RAPGEF1: variants seen among roughly 807,000 people sequenced by gnomAD.
The protein encoded by RAPGEF1 is Rap guanine nucleotide exchange factor 1.
A neutral mutation model predicts 143.3 loss-of-function variants in RAPGEF1; 33 were observed. The ratio of observed to expected loss-of-function variants is 0.23; its 90% CI spans 0.17 to 0.31. The LOEUF (loss-of-function observed/expected upper bound fraction) is 0.31, where lower values mean the gene tolerates loss of function less well. Among genes scored for constraint, RAPGEF1 ranks in the 10% least tolerant of loss-of-function variants. The pLI is 1.00. For missense variants in RAPGEF1, 1,199 were observed against 1,645.4 expected, an observed-to-expected ratio of 0.73 and a Z score of 4.69; for synonymous variants, 629 against 676.5, an observed-to-expected ratio of 0.93 and a Z score of 1.09.
chr9:131,658,150 G>A (rs137964508), intron 1 of RAPGEF1, among the ~76,000 whole-genome samples: 8 of 152,316 alleles, frequency 5.3e-5, no homozygotes, highest in African/African-American at 1.7e-4. Flanking sequence ...GAGCAGAACG[G>A]CTGGATTGTA....
chr9:131,723,116 C>T (rs1188568503), intron 1 of RAPGEF1, among the ~76,000 whole-genome samples: 5 of 152,176 alleles, frequency 3.3e-5, no homozygotes, highest in African/African-American at 9.7e-5. Context: ...ATCACTTGAA[C>T]CCAGCAGACG....
At chr9:131,670,418 C>G (rs1262842658) in intron 1 of RAPGEF1, among the ~76,000 whole-genome samples, 1 of 152,178 alleles carries the variant, frequency 6.6e-6, no homozygotes, top group Non-Finnish European at 1.5e-5. Flanking sequence ...GGCTCCTCTT[C>G]CCCCTTTTGA....
intron 1 of RAPGEF1, among the ~76,000 whole-genome samples, chr9:131,713,871 A>G (rs370121253): frequency 1.3e-5 from 2 of 152,296 alleles, no homozygotes; most frequent in South Asian, 4.1e-4. Context: ...CACTGTTTTT[A>G]TTATTATTAC....
rs1050027691 is a variant in RAPGEF1 at position 131,641,439 on chromosome 9, C to T, written c.494+1800G>A. Among the ~76,000 whole-genome samples, 3 of 152,162 alleles carry T rather than the reference C, an allele frequency of 2.0e-5. No homozygotes were observed. Among genetic ancestry groups the T allele is most frequent in the Admixed American group, 1.3e-4 (2 of 15,276 alleles). ...ATCCAACTGCTGCTTTCCCTCAGGT[C>T]GGGCTCCAGGAACTACTCAGTCAAG... On this transcript the variant is annotated intron_variant, in intron 4 of 26. Coordinates refer to ENST00000683357, the MANE Select transcript of RAPGEF1 (RefSeq NM_001377935.1). This position sits in a 1 kb window ranked among gnomAD's most constrained non-coding sequence, Gnocchi z 4.6.
intron 1 of RAPGEF1, among the ~76,000 whole-genome samples, chr9:131,722,192 T>C (rs1836315022): frequency 6.6e-6 from 1 of 152,112 alleles, no homozygotes; most frequent in African/African-American, 2.4e-5. Flanking sequence ...AGAGACCCTA[T>C]CGTGGCCATC....
At chr9:131,705,337 G>A (rs1834970540) in intron 1 of RAPGEF1, among the ~76,000 whole-genome samples, 1 of 152,004 alleles carries the variant, frequency 6.6e-6, no homozygotes, top group Non-Finnish European at 1.5e-5. Flanking sequence ...CCCTCAGGTG[G>A]TTTACAATCA....
intron 19 of RAPGEF1, among the ~76,000 whole-genome samples, chr9:131,589,586 G>A (rs534900525): frequency 3.3e-5 from 5 of 152,334 alleles, no homozygotes; most frequent in South Asian, 4.1e-4. Context: ...CATGGCTGGC[G>A]GCTGAGAGCA....
At chr9:131,600,169 G>A (rs915357384) in intron 15 of RAPGEF1, among the ~76,000 whole-genome samples, 84 of 152,250 alleles carry the variant, frequency 5.5e-4, no homozygotes, top group African/African-American at 1.9e-3. Flanking sequence ...GGTCAGAGTG[G>A]GCCCTGCCCA....
chr9:131,673,199 A>G (rs945929496), intron 1 of RAPGEF1, among the ~76,000 whole-genome samples: 2 of 152,214 alleles, frequency 1.3e-5, no homozygotes, highest in Non-Finnish European at 2.9e-5. Context: ...AAAACCATAC[A>G]TGTTCCTATT....
At chr9:131,608,215 G>A (rs1303810240) in intron 12 of RAPGEF1, among the ~76,000 whole-genome samples, 1 of 152,250 alleles carries the variant, frequency 6.6e-6, no homozygotes, top group Non-Finnish European at 1.5e-5. Flanking sequence ...TCCTCCGCAT[G>A]GTGCTGGTGC....
At chr9:131,581,351 A>C (rs1340891345) in intron 25 of RAPGEF1, among the ~76,000 whole-genome samples, 1 of 151,752 alleles carries the variant, frequency 6.6e-6, no homozygotes, top group Non-Finnish European at 1.5e-5. Flanking sequence ...CTATGATTGC[A>C]CCACTGCACT....
chr9:131,661,212 C>T (rs572747013), intron 1 of RAPGEF1, among the ~76,000 whole-genome samples: 2 of 152,188 alleles, frequency 1.3e-5, no homozygotes, highest in Non-Finnish European at 2.9e-5. Context: ...CAGTGCTCGG[C>T]GAATGCCTGT....
intron 1 of RAPGEF1, among the ~76,000 whole-genome samples, chr9:131,663,961 C>T (rs753827938): frequency 4.6e-5 from 7 of 152,158 alleles, no homozygotes; most frequent in Non-Finnish European, 8.8e-5. Context: ...AATTATTCCT[C>T]GATATTTATT....
chr9:131,632,074 G>A (rs919102788), intron 5 of RAPGEF1, among the ~76,000 whole-genome samples: 2 of 152,170 alleles, frequency 1.3e-5, no homozygotes, highest in Admixed American at 6.5e-5. Flanking sequence ...GGTTCGAGGA[G>A]CACTGAACTG....
At chr9:131,713,834 C>A (rs1835674602) in intron 1 of RAPGEF1, among the ~76,000 whole-genome samples, 1 of 152,080 alleles carries the variant, frequency 6.6e-6, no homozygotes, top group Non-Finnish European at 1.5e-5. Flanking sequence ...TGTTGGTACA[C>A]AGCAGATACT....
chr9:131,720,774 G>A (rs754314820), intron 1 of RAPGEF1, among the ~76,000 whole-genome samples: 1 of 152,012 alleles, frequency 6.6e-6, no homozygotes, highest in African/African-American at 2.4e-5. Flanking sequence ...TCCTATGCCT[G>A]TATCTTTTCC....
At chr9:131,726,091 A>T (rs77800282) in intron 1 of RAPGEF1, among the ~76,000 whole-genome samples, 3,010 of 152,144 alleles carry the variant, frequency 0.02, 104 homozygotes, top group African/African-American at 0.07. Flanking sequence ...GTCCTGTGCC[A>T]TCTTTGTCTA....
In RAPGEF1 at chr9:131,630,290, C is replaced by T. The variant is rs116942407; in HGVS notation, c.686G>A (p.Arg229His). The T allele has an allele frequency of 2.7e-3, 4,352 of 1,613,824 alleles. 15 individuals are homozygous for T. The highest frequency in any genetic ancestry group is 3.2e-3 in the Non-Finnish European group (3,799 of 1,179,834). The part of the protein sequence containing the change: ...LVRLTIEKQG[R>H]PSPTSPVKPS... ...CTTCACGGGGCTCGTCGGAGACGGA[C>T]GTCCCTGCTTCTCGATGGTGAGCCT... Residue 229 changes from arginine (R) to histidine (H), a missense_variant, in exon 6 of 27, where the codon CGT becomes CAT. Coordinates refer to ENST00000683357, the MANE Select transcript of RAPGEF1 (RefSeq NM_001377935.1).
intron 3 of RAPGEF1, among the ~76,000 whole-genome samples, chr9:131,645,971 T>C (rs564549672): frequency 1.3e-5 from 2 of 152,106 alleles, no homozygotes; most frequent in Admixed American, 1.3e-4. Context: ...TATGAAGTGG[T>C]TCACAACATT....
Sources: gnomAD v4.1 joint callset for allele counts (sites outside exome capture counted in the v4.1 genomes callset) on GRCh38, gnomAD v4.1.1 for gene constraint, Gnocchi (gnomAD v3.1) non-coding constraint, MANE v1.5 for transcripts, NCBI Gene and HGNC (gene_info 2026-07-23, HGNC 2026-07-21) for gene names.